The following PCNX1 variants were observed in gnomAD, a reference collection of about 807,000 sequenced individuals.
PCNX1 encodes the protein pecanex-like protein 1.
A neutral mutation model predicts 242.2 loss-of-function variants in PCNX1; 78 were observed. The ratio of observed to expected loss-of-function variants is 0.32; its 90% CI spans 0.27 to 0.39. The LOEUF is 0.39. Ranked by LOEUF, PCNX1 falls within the 10% of genes least tolerant of loss-of-function variation. The probability of loss-of-function intolerance (pLI) is 1.00; values close to 1 mark genes in which losing one functional copy is unlikely to be tolerated. For missense variants in PCNX1, 2,581 were observed against 2,856.5 expected (o/e 0.90, Z 2.20); for synonymous variants, 1,024 against 1,032.9 (o/e 0.99, Z 0.17).
chr14:71,002,752 T>C (rs2059541106), intron 8 of PCNX1, among the ~76,000 whole-genome samples: 1 of 152,234 alleles, frequency 6.6e-6, no homozygotes, highest in Non-Finnish European at 1.5e-5. Context: ...ATTGCTTATC[T>C]GTTCACCTGG....
Position 71,073,735 on chromosome 14 carries a change from C to T in PCNX1, c.5043C>T (p.Asn1681=), listed in dbSNP as rs2141433725. The T allele has an allele frequency of 2.5e-6, 4 of 1,613,794 alleles. No homozygotes were observed. Among genetic ancestry groups the T allele is most frequent in the Non-Finnish European group, 3.4e-6 (4 of 1,179,742 alleles). ...TGGAGGGTTATAGCATCACTGATAA[C>T]AGTGCTGCTTCTATGCTTCAAGTCT... The part of the protein sequence containing the change: ...YILEGYSITD[N]SAASMLQVFD... The change falls in exon 27 of 36, where the codon AAC becomes AAT. Residue 1681 remains asparagine, a synonymous_variant. Coordinates refer to ENST00000304743, the MANE Select transcript of PCNX1 (RefSeq NM_014982.3).
At chr14:70,989,190 C>T (rs1789181984) in intron 7 of PCNX1, among the ~76,000 whole-genome samples, 3 of 151,812 alleles carry the variant, frequency 2.0e-5, no homozygotes, top group African/African-American at 2.4e-5. Flanking sequence ...TTGCCTAAAA[C>T]TTGGTGCCTT....
chr14:70,997,159 T>C (rs896881888), intron 8 of PCNX1, among the ~76,000 whole-genome samples: 2 of 152,158 alleles, frequency 1.3e-5, no homozygotes, highest in Admixed American at 6.5e-5. Context: ...CCAGTTTAGC[T>C]ACTTGTTTTA....
Position 71,110,382 on chromosome 14 carries a change from C to T in PCNX1, c.*447C>T. On this transcript the variant is annotated 3_prime_UTR_variant, in exon 36 of 36. Transcript: ENST00000304743. ...AGAACAGACCAGTGTAGAAATGTTC[C>T]TTTTGACTTATAGCAGTATAAAAGT... 4.2e-6 allele frequency: 1 copy of T among 237,352 alleles called. No individual in the cohort carries two copies. The highest frequency in any genetic ancestry group is 8.5e-6 in the Non-Finnish European group (1 of 118,164). 14.7% of individuals were successfully genotyped at this position (237,352 alleles called of 1,614,324 possible).
At chr14:70,942,294 A>G (rs1280739077) in intron 1 of PCNX1, among the ~76,000 whole-genome samples, 2 of 152,224 alleles carry the variant, frequency 1.3e-5, no homozygotes, top group Admixed American at 1.3e-4. Flanking sequence ...CAGGTCTAAC[A>G]TATTTTAACA....
chr14:71,061,619 C>T (rs2061327976), intron 26 of PCNX1, among the ~76,000 whole-genome samples: 1 of 152,188 alleles, frequency 6.6e-6, no homozygotes, highest in Non-Finnish European at 1.5e-5. Context: ...AGGATTACAT[C>T]TATGACTGCA....
chr14:70,929,979 C>A (rs1308381481), intron 1 of PCNX1, among the ~76,000 whole-genome samples: 1 of 152,124 alleles, frequency 6.6e-6, no homozygotes, highest in African/African-American at 2.4e-5. Flanking sequence ...AGGAAAAATT[C>A]TATAATGTAC....
At chr14:70,951,470 G>A (rs1163022128) in intron 2 of PCNX1, among the ~76,000 whole-genome samples, 1 of 152,026 alleles carries the variant, frequency 6.6e-6, no homozygotes, top group African/African-American at 2.4e-5. Flanking sequence ...CACCTCCCAG[G>A]TTCAAACGGT....
chr14:71,015,718 G>A (rs139328550), intron 11 of PCNX1, among the ~76,000 whole-genome samples: 51 of 152,226 alleles, frequency 3.4e-4, no homozygotes, highest in African/African-American at 1.2e-3. Flanking sequence ...ATGTCAAAAA[G>A]GAGATAAGAT....
intron 19 of PCNX1, among the ~76,000 whole-genome samples, chr14:71,041,245 C>T (rs190946155): frequency 3.9e-5 from 6 of 152,262 alleles, no homozygotes; most frequent in African/African-American, 1.4e-4. Flanking sequence ...TTCTCAGGAA[C>T]TTCCAAACTG....
Position 70,947,061 on chromosome 14 carries a change from T to C in PCNX1, c.300T>C (p.Asp100=), listed in dbSNP as rs747076881. Residue 100 remains aspartate (D), a synonymous_variant, in exon 2 of 36, where the codon GAT becomes GAC. Coordinates refer to ENST00000304743, the MANE Select transcript of PCNX1 (RefSeq NM_014982.3). ...VVDRTANEFT[D]QRTKAEQGNC... is the part of the protein sequence containing the mutation. The stretch of plus-strand genomic sequence containing the variant: ...ATAGGACTGCAAATGAGTTCACGGA[T>C]CAGCGAACCAAAGCTGAACAAGGCA... 3 of 1,613,708 alleles carry C rather than the reference T, an allele frequency of 1.9e-6. No homozygotes were observed. Among genetic ancestry groups the C allele is most frequent in the Non-Finnish European group, 2.5e-6 (3 of 1,179,890 alleles).
chr14:70,989,123 T>G (rs958654139), intron 7 of PCNX1, among the ~76,000 whole-genome samples: 15 of 152,134 alleles, frequency 9.9e-5, no homozygotes, highest in African/African-American at 3.6e-4. Context: ...TCACTTAAAC[T>G]TGATAAGCCA....
At chr14:71,052,617 C>G (rs905931076) in intron 24 of PCNX1, among the ~76,000 whole-genome samples, 1 of 152,070 alleles carries the variant, frequency 6.6e-6, no homozygotes, top group Non-Finnish European at 1.5e-5. Context: ...ATTAATAATA[C>G]TCTGCAACTT....
chr14:71,009,514 T>G (rs150378515), intron 8 of PCNX1, 120 bp from the exon 9 acceptor site: 1 of 481,672 alleles, frequency 2.1e-6, no homozygotes, highest in Non-Finnish European at 3.6e-6. Flanking sequence ...TTTAAAAAAA[T>G]TTTTTTTAAA....
chr14:70,936,172 G>A (rs1408499020), intron 1 of PCNX1, among the ~76,000 whole-genome samples: 1 of 151,952 alleles, frequency 6.6e-6, no homozygotes, highest in East Asian at 1.9e-4. Flanking sequence ...GGGTACATGA[G>A]CACAACGTGC....
chr14:71,000,218 A>G (rs1180278895), intron 8 of PCNX1, among the ~76,000 whole-genome samples: 2 of 152,228 alleles, frequency 1.3e-5, no homozygotes, highest in African/African-American at 2.4e-5. Flanking sequence ...TTTAAGGGCT[A>G]TATTCTACTT....
rs138617171 is a variant in PCNX1, at chr14:71,026,135, G to C, written c.3202G>C (p.Ala1068Pro). 1.1e-5 allele frequency: 18 copies of C among 1,597,136 alleles called. No individual in the cohort carries two copies. The highest frequency in any genetic ancestry group is 1.5e-5 in the Non-Finnish European group (18 of 1,171,582). ...TTTTCAGGGTCATAATCGTATCATT[G>C]CCTACAGTAGACCAGTTTATTTCTG... ...SPRHGHNRII[A>P]YSRPVYFCIC... Residue 1068 changes from alanine (A) to proline (P), a missense_variant, in exon 14 of 36, where the codon GCC becomes CCC. Physicochemically the swap from Ala to Pro is conservative, Grantham distance 27 (BLOSUM62 -1). This residue lies in a region of PCNX1 where 432 missense variants were observed against 443.1 expected (regional missense o/e 0.97). Coordinates refer to ENST00000304743, the MANE Select transcript of PCNX1 (RefSeq NM_014982.3).
At chr14:71,058,595 G>A (rs1459319904) in intron 26 of PCNX1, among the ~76,000 whole-genome samples, 1 of 152,118 alleles carries the variant, frequency 6.6e-6, no homozygotes, top group Non-Finnish European at 1.5e-5. Context: ...GAAAGCATTT[G>A]ACTAGAAAGA....
chr14:70,997,482 A>G (rs1433962198), intron 8 of PCNX1, among the ~76,000 whole-genome samples: 1 of 152,188 alleles, frequency 6.6e-6, no homozygotes, highest in African/African-American at 2.4e-5. Context: ...TTCTAAATCC[A>G]CATGCCAATT....
Sources: allele counts gnomAD v4.1 joint callset (sites outside exome capture counted in the v4.1 genomes callset), GRCh38; gene constraint gnomAD v4.1.1; regional missense constraint gnomAD v4.1.1; transcripts MANE v1.5; gene names NCBI Gene and HGNC (gene_info 2026-07-23, HGNC 2026-07-21).